PARP8: variants seen among roughly 807,000 people sequenced by gnomAD.
PARP8 encodes the protein poly(ADP-ribose) polymerase family member 8.
PARP8 carries 51 observed loss-of-function variants against 124.1 expected under a neutral mutation model. The observed-to-expected ratio is 0.41, with a 90% CI of 0.33 to 0.52. The LOEUF (loss-of-function observed/expected upper bound fraction) is 0.52. PARP8 is among the 20% of genes least tolerant of loss of function. PARP8 has a pLI of 0.21. For synonymous variants in PARP8, 391 were observed against 361.5 expected (o/e 1.08, Z -0.93); for missense variants, 860 against 1,018.9 (o/e 0.84, Z 2.12).
At chr5:50,714,955 A>G (rs960358356) in intron 2 of PARP8, among the ~76,000 whole-genome samples, 2 of 152,128 alleles carry the variant, frequency 1.3e-5, no homozygotes, top group African/African-American at 4.8e-5. Flanking sequence ...TAAAAGTGGT[A>G]GAAATCTGTC....
chr5:50,722,393 C>T (rs1018971296), intron 2 of PARP8, among the ~76,000 whole-genome samples: 1 of 151,936 alleles, frequency 6.6e-6, no homozygotes, highest in Non-Finnish European at 1.5e-5. Flanking sequence ...TTCCATTTCC[C>T]AGCTTCCCTA....
At chr5:50,685,571 A>G (rs1458989303) in intron 2 of PARP8, among the ~76,000 whole-genome samples, 4 of 152,172 alleles carry the variant, frequency 2.6e-5, no homozygotes, top group Non-Finnish European at 2.9e-5. Context: ...GGAAGATATG[A>G]TATAGTATTG....
chr5:50,841,446 A>AT lies in PARP8; in HGVS notation c.2463-520_2463-519insT, dbSNP rs200281036. On this transcript the variant is annotated intron_variant, in intron 25 of 25. Coordinates refer to ENST00000281631, the MANE Select transcript of PARP8 (RefSeq NM_024615.4). ...GAATAAATAAGAATATGTTACAGTC[A>AT]GACTAAATAGTGCGACCAGTGATAA... Among the ~76,000 whole-genome samples, 1,138 of 152,030 alleles carry AT rather than the reference A, an allele frequency of 7.5e-3. 14 individuals carry two copies. Among genetic ancestry groups the AT allele is most frequent in the African/African-American group, 0.026 (1,070 of 41,542 alleles).
intron 4 of PARP8, among the ~76,000 whole-genome samples, 175 bp downstream of exon 4, chr5:50,759,907 ATAAATT>A (rs1320568317): frequency 2.6e-5 from 4 of 152,166 alleles, no homozygotes; most frequent in Non-Finnish European, 4.4e-5. Context: ...TTGTAAATGC[ATAAATT>A]TAAAGTAGTT....
At chr5:50,824,804 A>G in intron 17 of PARP8, 104 bp from the exon 18 acceptor site, 1 of 809,012 alleles carries the variant, frequency 1.2e-6, no homozygotes, top group South Asian at 1.6e-5. Flanking sequence ...ATAAATTTTT[A>G]AGTCTTACTA....
At chr5:50,676,657 C>G (rs1175188974) in intron 2 of PARP8, among the ~76,000 whole-genome samples, 1 of 152,164 alleles carries the variant, frequency 6.6e-6, no homozygotes. Flanking sequence ...AGTGTACTTT[C>G]AGAGAAGCTC....
Position 50,776,932 on chromosome 5 carries a change from T to C in PARP8, c.519-1137T>C, listed in dbSNP as rs142074562. The stretch of plus-strand genomic sequence containing the variant: ...AATTCCTGACTTCCCCACTAACTTA[T>C]TTTTCATTTGGCAACTTTTTTCACA... On this transcript the variant is annotated intron_variant, in intron 7 of 25. Transcript: ENST00000281631. Among the ~76,000 whole-genome samples the C allele has an allele frequency of 1.5e-3, 234 of 152,322 alleles. 1 individual carries two copies. Among genetic ancestry groups the C allele is most frequent in the African/African-American group, 5.3e-3 (220 of 41,588 alleles).
Position 50,708,962 on chromosome 5 carries a change from AT to A in PARP8, c.146+40841del, listed in dbSNP as rs1259902667. Among the ~76,000 whole-genome samples, 11 of 105,578 alleles carry A rather than the reference AT, an allele frequency of 1.0e-4. 2 individuals are homozygous for A. The highest frequency in any genetic ancestry group is 1.0e-3 in the Admixed American group (10 of 9,892). The allele number at this position is 105,578 out of a possible 152,430, so 69.3% of individuals were successfully genotyped here. ...ATGCCTGGCTGATTTTTTATTTGTT[AT>A]TTTGTAGAGACAGGGGTCTCAATAT... On this transcript the variant is annotated intron_variant, in intron 2 of 25. Transcript: ENST00000281631.
intron 2 of PARP8, among the ~76,000 whole-genome samples, chr5:50,729,055 A>T (rs868449633): frequency 6.6e-6 from 1 of 152,256 alleles, no homozygotes; most frequent in Middle Eastern, 3.4e-3. Context: ...TATGGAACAC[A>T]TTAGTGTGCG....
chr5:50,824,415 A>G (rs1443101602), intron 17 of PARP8, among the ~76,000 whole-genome samples: 1 of 152,204 alleles, frequency 6.6e-6, no homozygotes, highest in Non-Finnish European at 1.5e-5. Context: ...TTAAAGGCAG[A>G]GGAGAGGAAG....
intron 2 of PARP8, among the ~76,000 whole-genome samples, chr5:50,711,521 G>A (rs1754765595): frequency 6.6e-6 from 1 of 152,072 alleles, no homozygotes. Context: ...TATTGGGACT[G>A]CAGCACCTGT....
At chr5:50,759,569 T>C in intron 3 of PARP8, 74 bp from the exon 4 acceptor site, 1 of 1,431,590 alleles carries the variant, frequency 7.0e-7, no homozygotes, top group Non-Finnish European at 9.2e-7. Context: ...TGCATATAAA[T>C]TAGCTATTAT....
At chr5:50,689,480 C>T (rs1752257680) in intron 2 of PARP8, among the ~76,000 whole-genome samples, 2 of 152,112 alleles carry the variant, frequency 1.3e-5, no homozygotes. Flanking sequence ...GGAAACACTC[C>T]CTCTTTAATC....
chr5:50,840,252 G>T (rs994237494), intron 25 of PARP8, among the ~76,000 whole-genome samples: 1 of 151,738 alleles, frequency 6.6e-6, no homozygotes, highest in Non-Finnish European at 1.5e-5. Flanking sequence ...TAAAATGCTG[G>T]TCTGGACAAC....
intron 16 of PARP8, 55 bp downstream of exon 16, chr5:50,821,393 A>C (rs547582032): frequency 3.6e-5 from 57 of 1,581,312 alleles, no homozygotes; most frequent in Non-Finnish European, 4.8e-5. Flanking sequence ...AATAACAACA[A>C]TATTGAGATT....
At chr5:50,834,581 A>C (rs1401408525) in intron 24 of PARP8, among the ~76,000 whole-genome samples, 1 of 152,200 alleles carries the variant, frequency 6.6e-6, no homozygotes, top group African/African-American at 2.4e-5. Flanking sequence ...TAGGAGTTTT[A>C]GTAGCTGCTG....
Position 50,666,840 on chromosome 5 carries a change from T to C in PARP8, c.-256T>C, listed in dbSNP as rs1401667515. 1 of 1,334,564 alleles carries C rather than the reference T, an allele frequency of 7.5e-7. No homozygotes were observed. The highest frequency in any genetic ancestry group is 3.3e-5 in the East Asian group (1 of 30,422). 82.7% of individuals were successfully genotyped at this position (1,334,564 alleles called of 1,614,324 possible). A position where few individuals can be genotyped will look rare whatever the true frequency, so the allele number is the denominator to read the frequency against. ...ATCCATTGTCAGAAGGGGAGGAAAT[T>C]GGAATCCAGCAGCGGCGAGCAGCAG... On this transcript the variant is annotated 5_prime_UTR_variant, in exon 1 of 26. Transcript: ENST00000281631.
chr5:50,823,899 C>T (rs760306303), intron 17 of PARP8, among the ~76,000 whole-genome samples: 4 of 152,186 alleles, frequency 2.6e-5, no homozygotes, highest in Non-Finnish European at 5.9e-5. Context: ...AATTGCTTGG[C>T]GCTTCGCTGT....
intron 2 of PARP8, among the ~76,000 whole-genome samples, chr5:50,749,163 ATTTCTGATTATATTGGATT>A (rs1325574087): frequency 2.6e-5 from 4 of 152,090 alleles, no homozygotes; most frequent in African/African-American, 9.7e-5. Context: ...ATATTAAGTG[ATTTCTGATTATATTGGATT>A]CACCCTGTGA....
Sources: allele counts gnomAD v4.1 joint callset (sites outside exome capture counted in the v4.1 genomes callset), GRCh38; gene constraint gnomAD v4.1.1; transcripts MANE v1.5; gene names NCBI Gene and HGNC (gene_info 2026-07-23, HGNC 2026-07-21).